The following KATNIP variants were observed in gnomAD, a reference collection of about 807,000 sequenced individuals.
KATNIP encodes the protein katanin interacting protein.
Under a neutral mutation model 174.0 loss-of-function variants are expected in KATNIP, and 126 were observed. The ratio of observed to expected loss-of-function variants is 0.72; its 90% CI spans 0.63 to 0.84. The LOEUF (loss-of-function observed/expected upper bound fraction) is 0.84, where lower values mean the gene tolerates loss of function less well. Ranked by LOEUF, KATNIP falls within the 40% of genes least tolerant of loss-of-function variation. KATNIP has a pLI of 0.00. For missense variants in KATNIP, 1,958 were observed against 2,109.7 expected (o/e 0.93, Z 1.41); for synonymous variants, 810 against 835.7 (o/e 0.97, Z 0.53).
intron 22 of KATNIP, among the ~76,000 whole-genome samples, chr16:27,772,306 T>C (rs1474997173): frequency 6.6e-6 from 1 of 152,126 alleles, no homozygotes; most frequent in Non-Finnish European, 1.5e-5. Flanking sequence ...CTAGGAAAAC[T>C]GAGGCACAGA....
intron 6 of KATNIP, among the ~76,000 whole-genome samples, chr16:27,669,649 G>T (rs2077820841): frequency 1.3e-5 from 2 of 152,156 alleles, no homozygotes; most frequent in African/African-American, 4.8e-5. Flanking sequence ...GCTTCCTCCA[G>T]GGAATGTTGC....
intron 2 of KATNIP, 114 bp from the exon 3 acceptor site, chr16:27,618,311 C>T (rs995967211): frequency 6.1e-5 from 47 of 773,580 alleles, no homozygotes; most frequent in Admixed American, 5.2e-4. Flanking sequence ...GTTGGGCCTT[C>T]GTCAAGGTCA....
At chr16:27,684,557 G>A (rs1041456925) in intron 8 of KATNIP, among the ~76,000 whole-genome samples, 1 of 152,196 alleles carries the variant, frequency 6.6e-6, no homozygotes, top group African/African-American at 2.4e-5. Context: ...CTGGCATAGT[G>A]CATTAGCTTG....
intron 2 of KATNIP, among the ~76,000 whole-genome samples, chr16:27,591,269 C>G (rs748471621): frequency 1.3e-5 from 2 of 151,948 alleles, no homozygotes; most frequent in Non-Finnish European, 2.9e-5. Context: ...ACTGCACCCT[C>G]CGCCTCCCGG....
chr16:27,712,845 G>C lies in KATNIP; in HGVS notation c.1605+3925G>C, dbSNP rs550656276. Among the ~76,000 whole-genome samples the C allele has an allele frequency of 2.2e-4, 34 of 152,152 alleles. No individual in the cohort carries two copies. The East Asian group carries it at 6.2e-3, about 28-fold the overall frequency. ...TTTAGAGACAGGGTCTTGCTCTGTT[G>C]CCCAGGCTGGAGAGCAGTGGTGCAG... On this transcript the variant is annotated intron_variant, in intron 13 of 27. Coordinates refer to ENST00000261588, the MANE Select transcript of KATNIP (RefSeq NM_015202.5).
intron 6 of KATNIP, among the ~76,000 whole-genome samples, chr16:27,653,907 C>T (rs561546695): frequency 1.3e-5 from 2 of 152,230 alleles, no homozygotes; most frequent in African/African-American, 4.8e-5. Context: ...TGGGCTCAAG[C>T]AATCCTCCTG....
intron 11 of KATNIP, 40 bp from the exon 12 acceptor site, chr16:27,703,856 T>C: frequency 6.9e-7 from 1 of 1,445,206 alleles, no homozygotes; most frequent in Non-Finnish European, 9.7e-7. Flanking sequence ...TTGTGTATCA[T>C]TTACTACTTC....
At position 27,703,958 on chromosome 16, in the gene KATNIP, G is replaced by C; in HGVS notation, c.1349G>C (p.Arg450Thr). The change falls in exon 12 of 28, where the codon AGG becomes ACG. Residue 450 changes from arginine (R) to threonine (T), a missense_variant. Around this residue, in one of 3 missense-constraint regions of KATNIP, gnomAD observed 1,557 missense variants for 1,617.8 expected, o/e 0.96. Transcript: ENST00000261588. ...GAAAGTGACTCTGCCCATCTCGGCAGGGTGGTTTCACCAACCAAGGAGCAA... is the reference window on the plus strand; with the variant it reads ...GAAAGTGACTCTGCCCATCTCGGCACGGTGGTTTCACCAACCAAGGAGCAA... ...AVESDSAHLG[R>T]VVSPTKEQVS... The C allele has an allele frequency of 6.2e-7, 1 of 1,614,224 alleles. No individual in the cohort carries two copies. The highest frequency in any genetic ancestry group is 8.5e-7 in the Non-Finnish European group (1 of 1,180,038).
At chr16:27,644,016 A>C (rs2076883695) in intron 5 of KATNIP, among the ~76,000 whole-genome samples, 1 of 126,010 alleles carries the variant, frequency 7.9e-6, no homozygotes, top group South Asian at 2.8e-4. Flanking sequence ...CCAGAGACAT[A>C]ATCTTTTTTT....
Position 27,777,504 on chromosome 16 carries a change from G to C in KATNIP, c.4552-106G>C. The C allele has an allele frequency of 9.1e-7, 1 of 1,100,764 alleles. No homozygotes were observed. The highest frequency in any genetic ancestry group is 1.3e-6 in the Non-Finnish European group (1 of 782,402). 68.2% of individuals were successfully genotyped at this position (1,100,764 alleles called of 1,614,324 possible). On this transcript the variant is annotated intron_variant, in intron 25 of 27. Transcript: ENST00000261588. This position sits in a 1 kb window ranked among gnomAD's most constrained non-coding sequence, Gnocchi z 4.4. ...GTAGGCGCTTGTTCCTGACAGCCCCGTCTTCCCGAGGAGAAAGCCTTGGCT... is the reference window on the plus strand; with the variant it reads ...GTAGGCGCTTGTTCCTGACAGCCCCCTCTTCCCGAGGAGAAAGCCTTGGCT...
chr16:27,604,193 G>T (rs1483285818), intron 2 of KATNIP, among the ~76,000 whole-genome samples: 1 of 152,020 alleles, frequency 6.6e-6, no homozygotes, highest in Non-Finnish European at 1.5e-5. Flanking sequence ...CAATCTCCTG[G>T]GCTCAAGCGA....
chr16:27,733,748 AG>A (rs2080790979), intron 14 of KATNIP, among the ~76,000 whole-genome samples: 1 of 152,182 alleles, frequency 6.6e-6, no homozygotes, highest in Non-Finnish European at 1.5e-5. Context: ...GGGAGGAAGC[AG>A]GCTGGTTCTT....
At chr16:27,569,915 TTTTG>T (rs1380611505) in intron 1 of KATNIP, among the ~76,000 whole-genome samples, 1 of 152,162 alleles carries the variant, frequency 6.6e-6, no homozygotes, top group Non-Finnish European at 1.5e-5. Flanking sequence ...ATTCTTTTTG[TTTTG>T]TTTGTTTTTA....
intron 2 of KATNIP, among the ~76,000 whole-genome samples, chr16:27,606,447 C>T (rs2075707020): frequency 6.6e-6 from 1 of 151,858 alleles, no homozygotes; most frequent in South Asian, 2.1e-4. Flanking sequence ...ACTGTACCAC[C>T]CAGTACCCAC....
chr16:27,552,185 C>T (rs945603609), intron 1 of KATNIP, among the ~76,000 whole-genome samples: 2 of 152,032 alleles, frequency 1.3e-5, no homozygotes, highest in Non-Finnish European at 2.9e-5. Flanking sequence ...ATAGAAAAAA[C>T]TACTCTCATT....
At chr16:27,589,003 CA>C (rs2075087354) in intron 2 of KATNIP, among the ~76,000 whole-genome samples, 1 of 150,824 alleles carries the variant, frequency 6.6e-6, no homozygotes, top group Non-Finnish European at 1.5e-5. Flanking sequence ...TCTTGTGCCT[CA>C]GCCTCCCTAG....
chr16:27,658,549 C>T (rs2077369250), intron 6 of KATNIP, among the ~76,000 whole-genome samples: 1 of 152,014 alleles, frequency 6.6e-6, no homozygotes, highest in Admixed American at 6.5e-5. Flanking sequence ...AGATGACCAA[C>T]CAGTTAAAAA....
intron 2 of KATNIP, among the ~76,000 whole-genome samples, chr16:27,614,002 G>C (rs1160558401): frequency 6.6e-6 from 1 of 152,020 alleles, no homozygotes; most frequent in African/African-American, 2.4e-5. Flanking sequence ...CTGTAACCTT[G>C]AACTCCTGGA....
At chr16:27,704,124 C>A (rs569909114) in intron 12 of KATNIP, 126 bp downstream of exon 12, 56 of 695,694 alleles carry the variant, frequency 8.0e-5, no homozygotes, top group South Asian at 6.2e-4. Flanking sequence ...TTTCCACCGC[C>A]CCCCCCCTCC....
Sources: allele counts gnomAD v4.1 joint callset (sites outside exome capture counted in the v4.1 genomes callset), GRCh38; gene constraint gnomAD v4.1.1; regional missense constraint gnomAD v4.1.1; non-coding constraint Gnocchi (gnomAD v3.1); transcripts MANE v1.5; gene names NCBI Gene and HGNC (gene_info 2026-07-23, HGNC 2026-07-21).